Variants in MACROD2 observed in about 807,000 individuals in gnomAD.
The protein encoded by MACROD2 is ADP-ribose glycohydrolase MACROD2.
MACROD2 carries 36 observed loss-of-function variants against 70.4 expected under a neutral mutation model. The ratio of observed to expected loss-of-function variants is 0.51; its 90% confidence interval spans 0.39 to 0.68. MACROD2 has a LOEUF of 0.68. MACROD2 is among the 30% of genes least tolerant of loss of function. The probability of loss-of-function intolerance (pLI) is 0.00; values close to 1 mark genes in which losing one functional copy is unlikely to be tolerated. For synonymous variants in MACROD2, 172 were observed against 178.8 expected, an observed-to-expected ratio of 0.96 and a Z score of 0.30; for missense variants, 496 against 538.4, an observed-to-expected ratio of 0.92 and a Z score of 0.78.
intron 5 of MACROD2, among the ~76,000 whole-genome samples, chr20:14,739,059 G>T (rs898410907): frequency 1.3e-5 from 2 of 151,938 alleles, no homozygotes; most frequent in Admixed American, 6.6e-5. Flanking sequence ...GATGAAGTAA[G>T]GTATATCAAG....
intron 3 of MACROD2, among the ~76,000 whole-genome samples, chr20:14,292,744 C>T (rs942631657): frequency 6.6e-6 from 1 of 151,782 alleles, no homozygotes; most frequent in Non-Finnish European, 1.5e-5. Context: ...AAACGATTCT[C>T]CTGCCTTAGC....
intron 7 of MACROD2, among the ~76,000 whole-genome samples, chr20:15,479,908 A>G (rs924263205): frequency 2.0e-5 from 3 of 152,232 alleles, no homozygotes; most frequent in Non-Finnish European, 4.4e-5. Flanking sequence ...AAAAACACCT[A>G]TATGCATGAA....
intron 5 of MACROD2, among the ~76,000 whole-genome samples, chr20:15,190,236 G>T: frequency 6.6e-6 from 1 of 151,898 alleles, no homozygotes; most frequent in East Asian, 1.9e-4. Context: ...TTCTCCTCTG[G>T]CATCTTATGG....
chr20:14,707,620 C>T (rs906332167), intron 5 of MACROD2, among the ~76,000 whole-genome samples: 3 of 152,132 alleles, frequency 2.0e-5, no homozygotes, highest in East Asian at 1.9e-4. Flanking sequence ...ATTTCCCAGC[C>T]GCCTACATCC....
chr20:14,642,372 C>T (rs1216346116), intron 4 of MACROD2, among the ~76,000 whole-genome samples: 2 of 152,112 alleles, frequency 1.3e-5, no homozygotes, highest in Non-Finnish European at 1.5e-5. Context: ...TCTTATCATT[C>T]GTGTGTTCAC....
chr20:15,725,529 A>G (rs1044237290), intron 8 of MACROD2, among the ~76,000 whole-genome samples: 1 of 152,140 alleles, frequency 6.6e-6, no homozygotes, highest in Non-Finnish European at 1.5e-5. Flanking sequence ...TCTGCAAAAA[A>G]GATATTCTTA....
At chr20:15,464,981 A>AT (rs1190373222) in intron 7 of MACROD2, among the ~76,000 whole-genome samples, 1 of 151,956 alleles carries the variant, frequency 6.6e-6, no homozygotes, top group Non-Finnish European at 1.5e-5. Flanking sequence ...ACCTGATTTG[A>AT]TTTTTTTACT....
chr20:14,584,340 G>A (rs1981233362), intron 4 of MACROD2, among the ~76,000 whole-genome samples: 1 of 152,164 alleles, frequency 6.6e-6, no homozygotes, highest in African/African-American at 2.4e-5. Flanking sequence ...AATGTGGGCT[G>A]TGTTTTAGTT....
chr20:14,215,333 T>TAC (rs1208322168), intron 3 of MACROD2, among the ~76,000 whole-genome samples: 16 of 96,320 alleles, frequency 1.7e-4, no homozygotes, highest in South Asian at 3.4e-4. Context: ...TATGCCATCA[T>TAC]ATATACACAC....
intron 8 of MACROD2, among the ~76,000 whole-genome samples, chr20:15,709,652 G>A (rs537058032): frequency 1.3e-5 from 2 of 152,214 alleles, no homozygotes; most frequent in East Asian, 3.9e-4. Flanking sequence ...AGGTGACAGA[G>A]GGAGACCTCA....
At chr20:15,569,096 A>G (rs2048345019) in intron 8 of MACROD2, among the ~76,000 whole-genome samples, 1 of 152,164 alleles carries the variant, frequency 6.6e-6, no homozygotes, top group African/African-American at 2.4e-5. Context: ...GAGAAGGATG[A>G]GGGAGGGTCT....
intron 6 of MACROD2, among the ~76,000 whole-genome samples, chr20:15,331,645 C>G (rs2077993827): frequency 6.6e-6 from 1 of 151,672 alleles, no homozygotes; most frequent in African/African-American, 2.4e-5. Flanking sequence ...AAAATAGTAT[C>G]AAATGGGACC....
intron 17 of MACROD2, among the ~76,000 whole-genome samples, chr20:16,049,302 T>TA (rs929261901): frequency 5.3e-5 from 8 of 152,020 alleles, no homozygotes; most frequent in Non-Finnish European, 1.0e-4. Flanking sequence ...ACCTCAATTT[T>TA]AAAAATCTAA....
At chr20:14,251,259 C>T (rs2082010260) in intron 3 of MACROD2, among the ~76,000 whole-genome samples, 1 of 152,044 alleles carries the variant, frequency 6.6e-6, no homozygotes, top group African/African-American at 2.4e-5. Flanking sequence ...CTCTTTTTCT[C>T]TTGGAAAACG....
chr20:14,743,495 G>A (rs2071760776), intron 5 of MACROD2, among the ~76,000 whole-genome samples: 1 of 152,122 alleles, frequency 6.6e-6, no homozygotes, highest in Non-Finnish European at 1.5e-5. Flanking sequence ...ACGACCACAA[G>A]TCAAGGATTA....
chr20:14,322,188 A>T (rs2082668122), intron 3 of MACROD2, among the ~76,000 whole-genome samples: 1 of 128,902 alleles, frequency 7.8e-6, no homozygotes, highest in South Asian at 2.4e-4. Flanking sequence ...ATATATATAT[A>T]TATATATATA....
intron 8 of MACROD2, among the ~76,000 whole-genome samples, chr20:15,764,911 C>G (rs886272840): frequency 6.6e-6 from 1 of 152,212 alleles, no homozygotes; most frequent in Admixed American, 6.5e-5. Context: ...CTTCTGCTCT[C>G]TGCTCACTCT....
chr20:15,510,898 A>G lies in MACROD2; in HGVS notation c.645+11051A>G, dbSNP rs556779226. ...TTCGAAGTCCATGACAGAAAGCCCC[A>G]ACCTTTTAGTGAGGAGACTATTCAT... On this transcript the variant is annotated intron_variant, in intron 8 of 17. Coordinates refer to ENST00000684519, the MANE Select transcript of MACROD2 (RefSeq NM_001351661.2). Among the ~76,000 whole-genome samples the G allele has an allele frequency of 1.3e-4, 20 of 152,340 alleles. No individual in the cohort carries two copies. In the South Asian group the frequency reaches 4.1e-3, roughly 32 times the overall value.
chr20:15,116,875 C>T (rs963202989), intron 5 of MACROD2, among the ~76,000 whole-genome samples: 6 of 152,064 alleles, frequency 3.9e-5, no homozygotes, highest in East Asian at 1.9e-4. Context: ...TACAGGGTAT[C>T]GGTGTCCTTA....
Sources: allele counts gnomAD v4.1 joint callset (sites outside exome capture counted in the v4.1 genomes callset), GRCh38; gene constraint gnomAD v4.1.1; transcripts MANE v1.5; gene names NCBI Gene and HGNC (gene_info 2026-07-23, HGNC 2026-07-21).